RELL1: variants seen among roughly 807,000 people sequenced by gnomAD.
RELL1 encodes the protein RELT like 1.
Under a neutral mutation model 23.0 loss-of-function variants are expected in RELL1, and 10 were observed. The ratio of observed to expected loss-of-function variants is 0.43; its 90% CI spans 0.27 to 0.74. The LOEUF is 0.74. Among genes scored for constraint, RELL1 ranks in the 30% least tolerant of loss-of-function variants. The pLI is 0.19. For synonymous variants in RELL1, 146 were observed against 146.8 expected (o/e 0.99, Z 0.04); for missense variants, 315 against 364.4 (o/e 0.86, Z 1.10).
intron 6 of RELL1, among the ~76,000 whole-genome samples, chr4:37,617,082 TGCTAATCTAG>T (rs939813528): frequency 2.0e-5 from 3 of 152,252 alleles, no homozygotes; most frequent in Admixed American, 2.0e-4. Flanking sequence ...AATAGATTCA[TGCTAATCTAG>T]GCTAATCCAT....
At chr4:37,592,563 A>G (rs904228129) in intron 6 of RELL1, among the ~76,000 whole-genome samples, 1 of 152,204 alleles carries the variant, frequency 6.6e-6, no homozygotes, top group African/African-American at 2.4e-5. Context: ...ACGTAACTCA[A>G]TGGAGAATTT....
intron 6 of RELL1, among the ~76,000 whole-genome samples, chr4:37,594,220 C>T (rs1253930243): frequency 1.3e-5 from 2 of 152,202 alleles, no homozygotes; most frequent in Non-Finnish European, 2.9e-5. Flanking sequence ...AAAAGTAATT[C>T]CAGCTTTTAG....
At position 37,686,324 on chromosome 4, in the gene RELL1, C is replaced by T; in HGVS notation, c.-37G>A. The T allele has an allele frequency of 1.4e-6, 2 of 1,450,788 alleles. No individual in the cohort carries two copies. Among genetic ancestry groups the T allele is most frequent in the Non-Finnish European group, 1.8e-6 (2 of 1,100,460 alleles). The allele number at this position is 1,450,788 out of a possible 1,614,324, so 89.9% of individuals were successfully genotyped here. ...TTCGCCCTCCTCCCCCAGGGCGCCG[C>T]GTCCCGCGCTCGGGAAGGCAGAGCC... On this transcript the variant is annotated 5_prime_UTR_variant, in exon 1 of 7. Coordinates refer to ENST00000454158, the MANE Select transcript of RELL1 (RefSeq NM_001085400.2).
intron 6 of RELL1, among the ~76,000 whole-genome samples, chr4:37,627,726 G>A (rs547991907): frequency 1.3e-5 from 2 of 152,312 alleles, no homozygotes; most frequent in African/African-American, 4.8e-5. Flanking sequence ...TAACCAATAA[G>A]TGGATATGCA....
chr4:37,659,495 C>T (rs1207560473), intron 1 of RELL1, among the ~76,000 whole-genome samples: 1 of 152,166 alleles, frequency 6.6e-6, no homozygotes, highest in Non-Finnish European at 1.5e-5. Context: ...ACCCAGTGGG[C>T]ATGGCTTGAG....
At chr4:37,683,709 G>T (rs1284589217) in intron 1 of RELL1, among the ~76,000 whole-genome samples, 2 of 150,802 alleles carry the variant, frequency 1.3e-5, no homozygotes, top group African/African-American at 4.9e-5. Flanking sequence ...AGTGAGCTGA[G>T]ATCGCACCAC....
At chr4:37,655,145 C>T (rs531682003) in intron 1 of RELL1, among the ~76,000 whole-genome samples, 1 of 152,120 alleles carries the variant, frequency 6.6e-6, no homozygotes, top group African/African-American at 2.4e-5. Context: ...ACTTCTTGAA[C>T]CCAAATTAAT....
chr4:37,645,100 G>A (rs534757286), intron 3 of RELL1, among the ~76,000 whole-genome samples: 2 of 152,280 alleles, frequency 1.3e-5, no homozygotes, highest in East Asian at 1.9e-4. Flanking sequence ...CTATGACGTC[G>A]ATACGTGAGA....
At chr4:37,684,546 C>T (rs1018336138) in intron 1 of RELL1, among the ~76,000 whole-genome samples, 3 of 152,124 alleles carry the variant, frequency 2.0e-5, no homozygotes, top group Non-Finnish European at 2.9e-5. Flanking sequence ...TAAACTCTTC[C>T]CCAGATTCTG....
chr4:37,589,537 T>C (rs777322470), downstream of RELL1, among the ~76,000 whole-genome samples: 4 of 152,222 alleles, frequency 2.6e-5, no homozygotes, highest in Non-Finnish European at 5.9e-5. Context: ...TTTATTTGTT[T>C]TTTATTTTAA....
chr4:37,684,770 T>C (rs1049370468), intron 1 of RELL1, among the ~76,000 whole-genome samples: 2 of 151,968 alleles, frequency 1.3e-5, no homozygotes, highest in East Asian at 1.9e-4. Flanking sequence ...CTGGCCAATA[T>C]GGCAAAACCC....
At chr4:37,594,429 A>T (rs1465098865) in intron 6 of RELL1, among the ~76,000 whole-genome samples, 1 of 152,230 alleles carries the variant, frequency 6.6e-6, no homozygotes, top group African/African-American at 2.4e-5. Flanking sequence ...CAGACTTCAC[A>T]GTTCCCCATG....
At chr4:37,620,351 T>C (rs999301346) in intron 6 of RELL1, among the ~76,000 whole-genome samples, 5 of 152,234 alleles carry the variant, frequency 3.3e-5, no homozygotes, top group African/African-American at 1.2e-4. Flanking sequence ...CATACTTATA[T>C]ATTTAGCAAC....
chr4:37,663,094 G>T (rs1229975954), intron 1 of RELL1, among the ~76,000 whole-genome samples: 2 of 152,172 alleles, frequency 1.3e-5, no homozygotes, highest in Non-Finnish European at 2.9e-5. Context: ...TCAGAGAGGG[G>T]CGTGAGGAAA....
intron 6 of RELL1, among the ~76,000 whole-genome samples, chr4:37,595,803 G>A (rs1912120): frequency 0.55 from 84,306 of 152,066 alleles, 26,870 homozygotes; most frequent in Non-Finnish European, 0.73. Flanking sequence ...CCCTAAGGAC[G>A]GTAATCCCAA....
At chr4:37,638,420 A>G in intron 4 of RELL1, 27 bp downstream of exon 4, 1 of 1,577,622 alleles carries the variant, frequency 6.3e-7, no homozygotes, top group Non-Finnish European at 8.7e-7. Flanking sequence ...AAGATGTCGC[A>G]CTAAGAAAGA....
chr4:37,661,118 A>G lies in RELL1; in HGVS notation c.89-11618T>C, dbSNP rs148175343. Among the ~76,000 whole-genome samples, 568 of 152,206 alleles carry G rather than the reference A, an allele frequency of 3.7e-3. 2 individuals are homozygous for G. Among genetic ancestry groups the G allele is most frequent in the Non-Finnish European group, 6.2e-3 (420 of 67,956 alleles). On this transcript the variant is annotated intron_variant, in intron 1 of 6. Transcript: ENST00000454158. ...GACAAAAATCTTGTTTCAGGACAGAATCTGTAACTAGTCCACCTAGTTATA... is the reference window on the plus strand; with the variant it reads ...GACAAAAATCTTGTTTCAGGACAGAGTCTGTAACTAGTCCACCTAGTTATA...
At chr4:37,594,664 A>G (rs12505125) in intron 6 of RELL1, among the ~76,000 whole-genome samples, 55,583 of 151,950 alleles carry the variant, frequency 0.37, 11,859 homozygotes, top group Non-Finnish European at 0.48. Flanking sequence ...CCAGATACCC[A>G]AAAAAACGAA....
chr4:37,590,519 C>G (rs1164971183), downstream of RELL1: 1 of 1,614,144 alleles, frequency 6.2e-7, no homozygotes, highest in Non-Finnish European at 8.5e-7. Context: ...TCAGAAGGGA[C>G]CCAAGTCATG....
Sources: gnomAD v4.1 joint callset for allele counts (sites outside exome capture counted in the v4.1 genomes callset) on GRCh38, gnomAD v4.1.1 for gene constraint, MANE v1.5 for transcripts, NCBI Gene and HGNC (gene_info 2026-07-23, HGNC 2026-07-21) for gene names.